Variants in ASCC3 observed in about 807,000 individuals in gnomAD.
ASCC3 encodes the protein activating signal cointegrator 1 complex subunit 3, also known as ASC-1 complex subunit P200.
A neutral mutation model predicts 256.3 loss-of-function variants in ASCC3; 158 were observed. The ratio of observed to expected loss-of-function variants is 0.62; its 90% confidence interval spans 0.54 to 0.70. The LOEUF (loss-of-function observed/expected upper bound fraction) is 0.70, where lower values mean the gene tolerates loss of function less well. ASCC3 is among the 30% of genes least tolerant of loss of function. The probability of loss-of-function intolerance (pLI) is 0.00; values close to 1 mark genes in which losing one functional copy is unlikely to be tolerated. For synonymous variants in ASCC3, 948 were observed against 883.4 expected (o/e 1.07, Z -1.30); for missense variants, 2,259 against 2,626.0 (o/e 0.86, Z 3.05).
chr6:100,879,200 A>G (rs1333434415), intron 1 of ASCC3, among the ~76,000 whole-genome samples: 1 of 152,206 alleles, frequency 6.6e-6, no homozygotes, highest in Non-Finnish European at 1.5e-5. Flanking sequence ...CAGAACTTCC[A>G]AGTACTTCCT....
intron 13 of ASCC3, among the ~76,000 whole-genome samples, chr6:100,690,147 C>T (rs1205022333): frequency 6.6e-6 from 1 of 152,076 alleles, no homozygotes; most frequent in African/African-American, 2.4e-5. Context: ...GTAGTATTTG[C>T]ATTTAACCTA....
chr6:100,571,578 G>T (rs1367940618), intron 36 of ASCC3, among the ~76,000 whole-genome samples: 2 of 152,068 alleles, frequency 1.3e-5, no homozygotes, highest in Non-Finnish European at 2.9e-5. Flanking sequence ...AACATTTACT[G>T]ATTATTGCAA....
chr6:100,701,880 A>G (rs1193143594), intron 13 of ASCC3, among the ~76,000 whole-genome samples: 1 of 152,168 alleles, frequency 6.6e-6, no homozygotes, highest in Non-Finnish European at 1.5e-5. Flanking sequence ...CAAAAGCCCC[A>G]AGAAAAGTAA....
In ASCC3 at chr6:100,864,208, G is replaced by A. The variant is rs747266498; in HGVS notation, c.97C>T (p.Arg33Ter). 5.6e-6 allele frequency: 9 copies of A among 1,600,108 alleles called. No individual in the cohort carries two copies. The highest frequency in any genetic ancestry group is 1.7e-5 in the Admixed American group (1 of 59,820). ...AAAACTTGTTCATGAAGTTTAGATC[G>A]CTTTATCTGAAACAGAGATTATAAT... ...NEEVADLKIK[R>*]SKLHEQVLDL... The change falls in exon 3 of 42, where the codon CGA becomes TGA. Residue 33 changes from arginine to a stop codon, truncating the protein, a stop_gained. Transcript: ENST00000369162. LOFTEE classifies it high-confidence loss of function.
Position 100,765,528 on chromosome 6 carries a change from T to C in ASCC3, c.1737+1037A>G, listed in dbSNP as rs117848531. Among the ~76,000 whole-genome samples, 270 of 152,288 alleles carry C rather than the reference T, an allele frequency of 1.8e-3. 2 individuals carry two copies. The highest frequency in any genetic ancestry group is 2.7e-3 in the Non-Finnish European group (183 of 68,022). On this transcript the variant is annotated intron_variant, in intron 10 of 41. Transcript: ENST00000369162. ...AACCGCCAATCAGAAAATCTATACA[T>C]CTACCTGTGTCCTGGAAGCCCCCAC...
chr6:100,719,938 C>A (rs952315473), intron 11 of ASCC3, among the ~76,000 whole-genome samples: 3 of 151,870 alleles, frequency 2.0e-5, no homozygotes, highest in African/African-American at 7.2e-5. Context: ...TTCTCCCAAT[C>A]ATGCCAAGTG....
At chr6:100,747,875 G>T (rs1408663616) in intron 10 of ASCC3, among the ~76,000 whole-genome samples, 3 of 151,954 alleles carry the variant, frequency 2.0e-5, no homozygotes, top group Middle Eastern at 3.2e-3. Flanking sequence ...AATGTTTAAA[G>T]ATCAACCAGT....
chr6:100,549,101 C>T (rs1769162900), intron 36 of ASCC3, among the ~76,000 whole-genome samples: 2 of 151,550 alleles, frequency 1.3e-5, no homozygotes. Context: ...GTAACTGAAA[C>T]CTGGAAAGAA....
At chr6:100,879,210 T>C (rs1769157757) in intron 1 of ASCC3, among the ~76,000 whole-genome samples, 2 of 152,210 alleles carry the variant, frequency 1.3e-5, no homozygotes, top group Admixed American at 1.3e-4. Context: ...AAGTACTTCC[T>C]GGGCACACCA....
intron 30 of ASCC3, among the ~76,000 whole-genome samples, chr6:100,609,600 T>C (rs1177721501): frequency 6.6e-6 from 1 of 152,084 alleles, no homozygotes; most frequent in African/African-American, 2.4e-5. Context: ...ACAAAATTTG[T>C]TGTAAAGAAC....
intron 30 of ASCC3, among the ~76,000 whole-genome samples, chr6:100,615,667 T>C (rs914160444): frequency 6.6e-6 from 1 of 152,240 alleles, no homozygotes; most frequent in African/African-American, 2.4e-5. Context: ...CAATAATTGA[T>C]ACATTTTGCC....
At chr6:100,584,193 A>T (rs958389708) in intron 36 of ASCC3, among the ~76,000 whole-genome samples, 13 of 151,090 alleles carry the variant, frequency 8.6e-5, no homozygotes, top group Admixed American at 2.7e-4. Flanking sequence ...GGGGTGTTAA[A>T]GTCTCCCATT....
chr6:100,526,656 G>C (rs1000853169), intron 37 of ASCC3, among the ~76,000 whole-genome samples: 7 of 152,154 alleles, frequency 4.6e-5, no homozygotes, highest in Non-Finnish European at 1.0e-4. Flanking sequence ...GTTTTAGGTG[G>C]TGTTTTGGGA....
chr6:100,848,164 TCAC>T lies in ASCC3; in HGVS notation c.782_784del (p.Gly261del). On this transcript the variant is annotated inframe_deletion, in exon 4 of 42. Coordinates refer to ENST00000369162, the MANE Select transcript of ASCC3 (RefSeq NM_006828.4). ...CAACTATACCTCATCCTGAAGTTCATCACCACTTTTAATAGAAGCAAGCATATC... is the reference window on the plus strand; with the variant it reads ...CAACTATACCTCATCCTGAAGTTCATCACTTTTAATAGAAGCAAGCATATC... The T allele has an allele frequency of 6.3e-7, 1 of 1,594,904 alleles. No homozygotes were observed. Among genetic ancestry groups the T allele is most frequent in the Non-Finnish European group, 8.5e-7 (1 of 1,172,942 alleles).
At chr6:100,756,799 T>C (rs1034010007) in intron 10 of ASCC3, among the ~76,000 whole-genome samples, 2 of 152,102 alleles carry the variant, frequency 1.3e-5, no homozygotes. Context: ...GGATATAATA[T>C]GAATAAAACC....
intron 8 of ASCC3, among the ~76,000 whole-genome samples, chr6:100,780,496 T>G (rs1782390673): frequency 1.3e-5 from 2 of 152,048 alleles, no homozygotes; most frequent in South Asian, 4.2e-4. Flanking sequence ...TCTCACAACT[T>G]GGGAGGCTAA....
At chr6:100,740,558 T>C (rs1780387869) in intron 10 of ASCC3, among the ~76,000 whole-genome samples, 1 of 152,198 alleles carries the variant, frequency 6.6e-6, no homozygotes, top group Non-Finnish European at 1.5e-5. Flanking sequence ...TATTACTGTG[T>C]GTGAATCTAA....
At chr6:100,662,579 A>T (rs777357077) in intron 14 of ASCC3, 43 bp from the exon 15 acceptor site, 3 of 1,590,912 alleles carry the variant, frequency 1.9e-6, no homozygotes, top group Admixed American at 1.7e-5. Context: ...AGCATTTAAA[A>T]GCAATTGTTT....
At chr6:100,756,793 A>G (rs527446664) in intron 10 of ASCC3, among the ~76,000 whole-genome samples, 112 of 152,278 alleles carry the variant, frequency 7.4e-4, no homozygotes, top group Non-Finnish European at 1.3e-3. Flanking sequence ...GTTGTGGGAT[A>G]TAATATGAAT....
Sources: gnomAD v4.1 joint callset for allele counts (sites outside exome capture counted in the v4.1 genomes callset) on GRCh38, gnomAD v4.1.1 for gene constraint, MANE v1.5 for transcripts, NCBI Gene and HGNC (gene_info 2026-07-23, HGNC 2026-07-21) for gene names.